Variants in SEC61A1 observed in about 807,000 individuals in gnomAD.
SEC61A1 encodes SEC61 translocon subunit alpha 1, also known as protein transport protein Sec61 subunit alpha isoform 1.
SEC61A1 carries 15 observed loss-of-function variants against 55.2 expected under a neutral mutation model. The observed-to-expected ratio is 0.27, with a 90% CI of 0.18 to 0.42. SEC61A1 has a LOEUF of 0.42. Among genes scored for constraint, SEC61A1 ranks in the 10% least tolerant of loss-of-function variants. SEC61A1 has a pLI of 1.00. For missense variants in SEC61A1, 284 were observed against 602.6 expected (o/e 0.47, Z 5.53); for synonymous variants, 247 against 234.0 (o/e 1.06, Z -0.51).
intron 8 of SEC61A1, 140 bp from the exon 9 acceptor site, chr3:128,066,814 C>G: frequency 5.5e-6 from 4 of 731,968 alleles, no homozygotes; most frequent in Non-Finnish European, 6.9e-6. Flanking sequence ...GGCACAAGCT[C>G]TCGGAACTGG....
chr3:128,067,709 T>G lies in SEC61A1; in HGVS notation c.1167+97T>G. ...TCATCATAAATAATGGTCTGTGACG[T>G]GTGCAGATAGATCGTCGTCCTTTAG... On this transcript the variant is annotated intron_variant, in intron 10 of 11. Coordinates refer to ENST00000243253, the MANE Select transcript of SEC61A1 (RefSeq NM_013336.4). This position sits in a 1 kb window ranked among gnomAD's most constrained non-coding sequence, Gnocchi z 4.1. The G allele has an allele frequency of 1.0e-6, 1 of 1,000,024 alleles. No homozygotes were observed. Among genetic ancestry groups the G allele is most frequent in the South Asian group, 1.6e-5 (1 of 63,508 alleles). The allele number at this position is 1,000,024 out of a possible 1,614,324, so 61.9% of individuals were successfully genotyped here.
rs72974045 is a variant in SEC61A1 at position 128,066,173 on chromosome 3, T to C, written c.778-781T>C. On this transcript the variant is annotated intron_variant, in intron 8 of 11. Coordinates refer to ENST00000243253, the MANE Select transcript of SEC61A1 (RefSeq NM_013336.4). ...TTGTATTCCTAGAAAAGTTTAGCTT[T>C]TCTGTTTATGATTAAAAACACTGTA... Among the ~76,000 whole-genome samples, 132 of 152,268 alleles carry C rather than the reference T, an allele frequency of 8.7e-4. 1 individual carries two copies. The highest frequency in any genetic ancestry group is 3.1e-3 in the African/African-American group (128 of 41,550).
In SEC61A1 at chr3:128,056,801, A is replaced by T. The variant is rs775562862; in HGVS notation, c.313A>T (p.Thr105Ser). ...AGAKIIEVGD[T>S]PKDRALFNGA... ...CGCCAAGATAATTGAAGTTGGTGACACCCCAAAAGACCGAGCTCTCTTCAA... is the reference window on the plus strand; with the variant it reads ...CGCCAAGATAATTGAAGTTGGTGACTCCCCAAAAGACCGAGCTCTCTTCAA... Residue 105 changes from threonine to serine, a missense_variant, in exon 5 of 12, where the codon ACC becomes TCC. Coordinates refer to ENST00000243253, the MANE Select transcript of SEC61A1 (RefSeq NM_013336.4). The T allele has an allele frequency of 5.6e-6, 9 of 1,609,800 alleles. No individual in the cohort carries two copies. The East Asian group carries it at 1.6e-4, about 28-fold the overall frequency.
intron 5 of SEC61A1, among the ~76,000 whole-genome samples, chr3:128,057,308 G>A (rs1287739001): frequency 6.6e-6 from 1 of 152,236 alleles, no homozygotes; most frequent in East Asian, 1.9e-4. Context: ...GTGTTAGCGT[G>A]AGAGAGCACT....
At chr3:128,064,505 G>C (rs1559797134) in intron 7 of SEC61A1, among the ~76,000 whole-genome samples, 1 of 152,090 alleles carries the variant, frequency 6.6e-6, no homozygotes, top group Non-Finnish European at 1.5e-5. Context: ...AAATTAGCCA[G>C]GCGTGGTAGC....
rs542371696 is a variant in SEC61A1, at chr3:128,065,989, G to A, written c.777+952G>A. On this transcript the variant is annotated intron_variant, in intron 8 of 11. Transcript: ENST00000243253. ...GATCTCCTGACCTCGTGATCCGCCC[G>A]CCTCCACATTACAAAGCGCTGGGAT... Among the ~76,000 whole-genome samples, 21 of 151,954 alleles carry A rather than the reference G, an allele frequency of 1.4e-4. No individual in the cohort carries two copies. The South Asian group carries it at 3.5e-3, about 26-fold the overall frequency.
intron 2 of SEC61A1, among the ~76,000 whole-genome samples, 166 bp from the exon 3 acceptor site, chr3:128,055,350 C>T (rs992375146): frequency 2.0e-5 from 3 of 152,146 alleles, no homozygotes; most frequent in Non-Finnish European, 4.4e-5. Context: ...GGAAGTTACG[C>T]AGTACATGGT....
chr3:128,069,430 G>A (rs1398073400), intron 11 of SEC61A1, 46 bp from the exon 12 acceptor site: 1 of 1,577,254 alleles, frequency 6.3e-7, no homozygotes, highest in African/African-American at 1.3e-5. Flanking sequence ...CTGGCTCACG[G>A]GGAGCTCTGT....
At chr3:128,053,068 C>T (rs912182302) in intron 2 of SEC61A1, among the ~76,000 whole-genome samples, 166 bp downstream of exon 2, 10 of 152,158 alleles carry the variant, frequency 6.6e-5, no homozygotes, top group African/African-American at 1.7e-4. Context: ...CGAAAGGTGA[C>T]CTGGTTGTGT....
intron 7 of SEC61A1, among the ~76,000 whole-genome samples, chr3:128,063,061 C>A (rs563007509): frequency 3.3e-5 from 5 of 152,338 alleles, no homozygotes; most frequent in Admixed American, 2.0e-4. Context: ...TTTTAAAAGG[C>A]AAACCCCACA....
chr3:128,063,297 T>A (rs1247184497), intron 7 of SEC61A1, among the ~76,000 whole-genome samples: 1 of 152,228 alleles, frequency 6.6e-6, no homozygotes, highest in Non-Finnish European at 1.5e-5. Context: ...TCATGTAAAA[T>A]TAATTGTACT....
At chr3:128,051,705 G>A, upstream of SEC61A1, 4 of 1,448,774 alleles carry the variant, frequency 2.8e-6, no homozygotes, top group Non-Finnish European at 3.6e-6. Context: ...CTTCTCGCCA[G>A]AATCTATCAA....
In SEC61A1 at chr3:128,055,542, G is replaced by A. The variant is rs1941758362; in HGVS notation, c.102G>A (p.Trp34Ter). 6.2e-7 allele frequency: 1 copy of A among 1,613,498 alleles called. No individual in the cohort carries two copies. ...RKIQFKEKVL[W>*]TAITLFIFLV... ...TTCAGTTTAAGGAGAAAGTGCTGTG[G>A]ACCGCTATCACCCTCTTTATCTTCT... The change falls in exon 3 of 12, where the codon TGG becomes TGA. Residue 34 changes from tryptophan to a stop codon, truncating the protein, a stop_gained. Transcript: ENST00000243253. LOFTEE classifies it high-confidence loss of function.
At chr3:128,065,800 G>A (rs927182494) in intron 8 of SEC61A1, among the ~76,000 whole-genome samples, 74 of 145,664 alleles carry the variant, frequency 5.1e-4, no homozygotes, top group African/African-American at 1.9e-3. Context: ...GCAGTGGCGC[G>A]ATCTCGACTC....
rs1942010964 is a variant in SEC61A1, at chr3:128,067,317, C to T, written c.976-104C>T. The T allele has an allele frequency of 7.5e-7, 1 of 1,338,648 alleles. No homozygotes were observed. The highest frequency in any genetic ancestry group is 1.4e-5 in the South Asian group (1 of 73,294). The allele number at this position is 1,338,648 out of a possible 1,614,324, so 82.9% of individuals were successfully genotyped here. A position where few individuals can be genotyped will look rare whatever the true frequency, so the allele number is the denominator to read the frequency against. On this transcript the variant is annotated intron_variant, in intron 9 of 11. Transcript: ENST00000243253. This position sits in a 1 kb window ranked among gnomAD's most constrained non-coding sequence, Gnocchi z 4.1. ...TTCAGTAAAAAAATTGTACTGTGGGCACCGAGTAAAATTGCATTCTTTCAT... is the reference window on the plus strand; with the variant it reads ...TTCAGTAAAAAAATTGTACTGTGGGTACCGAGTAAAATTGCATTCTTTCAT...
intron 7 of SEC61A1, 128 bp from the exon 8 acceptor site, chr3:128,064,749 T>C: frequency 1.4e-6 from 1 of 704,218 alleles, no homozygotes; most frequent in Non-Finnish European, 2.4e-6. Context: ...TGTATCCCTG[T>C]GGCTATGGGC....
rs1941837914 is a variant in SEC61A1, at chr3:128,060,662, G to T, written c.616+1G>T. 1 of 1,613,846 alleles carries T rather than the reference G, an allele frequency of 6.2e-7. No homozygotes were observed. Among genetic ancestry groups the T allele is most frequent in the African/African-American group, 1.3e-5 (1 of 74,900 alleles). On this transcript the variant is annotated splice_donor_variant, in intron 7 of 11. Transcript: ENST00000243253. LOFTEE classifies it high-confidence loss of function. Reference sequence around the variant, plus strand: ...CCCACTACTGTCAACACTGGCCGAGGTAAGGGCCCTGTGCTCCCCTGGTGG... The same window carrying T: ...CCCACTACTGTCAACACTGGCCGAGTTAAGGGCCCTGTGCTCCCCTGGTGG...
intron 5 of SEC61A1, among the ~76,000 whole-genome samples, chr3:128,058,165 A>G (rs539791968): frequency 5.3e-4 from 80 of 149,834 alleles, no homozygotes; most frequent in Non-Finnish European, 1.0e-3. Context: ...CAGGTCTTAA[A>G]TTAGTATGGT....
chr3:128,067,269 A>G lies in SEC61A1; in HGVS notation c.975+118A>G, dbSNP rs934613208. The G allele has an allele frequency of 4.6e-6, 6 of 1,302,986 alleles. No homozygotes were observed. The highest frequency in any genetic ancestry group is 3.0e-5 in the African/African-American group (2 of 67,722). 80.7% of individuals were successfully genotyped at this position (1,302,986 alleles called of 1,614,324 possible). A position where few individuals can be genotyped will look rare whatever the true frequency, so the allele number is the denominator to read the frequency against. ...GATATTTTCCATTGTGCCTTTTACA[A>G]ATTCAGCACATTAAATTATCTTTTC... On this transcript the variant is annotated intron_variant, in intron 9 of 11. Coordinates refer to ENST00000243253, the MANE Select transcript of SEC61A1 (RefSeq NM_013336.4). The surrounding 1 kb of genome is among the most constrained non-coding windows in gnomAD (Gnocchi z 4.1).
Sources: gnomAD v4.1 joint callset for allele counts (sites outside exome capture counted in the v4.1 genomes callset) on GRCh38, gnomAD v4.1.1 for gene constraint, Gnocchi (gnomAD v3.1) non-coding constraint, MANE v1.5 for transcripts, NCBI Gene and HGNC (gene_info 2026-07-23, HGNC 2026-07-21) for gene names.